Variants in ZFPM2 observed in about 807,000 individuals in gnomAD.
ZFPM2 encodes zinc finger protein ZFPM2.
In ZFPM2, 20 loss-of-function variants were observed where a neutral mutation model predicts 98.6. That is an observed-to-expected ratio of 0.20 (90% CI 0.14 to 0.29). The LOEUF (loss-of-function observed/expected upper bound fraction) is 0.29. ZFPM2 is among the 10% of genes least tolerant of loss of function. The pLI, the probability that ZFPM2 is intolerant of heterozygous loss-of-function variation, is 1.00. For missense variants in ZFPM2, 1,310 were observed against 1,388.6 expected (o/e 0.94, Z 0.90); for synonymous variants, 518 against 502.7 (o/e 1.03, Z -0.41).
chr8:105,549,845 C>T (rs569627252), intron 3 of ZFPM2, among the ~76,000 whole-genome samples: 1 of 151,992 alleles, frequency 6.6e-6, no homozygotes, highest in East Asian at 1.9e-4. Context: ...AACTCCTGGG[C>T]TCACACAATT....
At chr8:105,601,100 G>A (rs1816082210) in intron 4 of ZFPM2, among the ~76,000 whole-genome samples, 1 of 152,090 alleles carries the variant, frequency 6.6e-6, no homozygotes, top group African/African-American at 2.4e-5. Context: ...CCTGGGTTAT[G>A]CTCCTGAACT....
chr8:105,728,373 C>G (rs1167669557), intron 5 of ZFPM2, among the ~76,000 whole-genome samples: 1 of 151,702 alleles, frequency 6.6e-6, no homozygotes, highest in Non-Finnish European at 1.5e-5. Context: ...ATGTACTTGT[C>G]GAAAGTTAGC....
intron 3 of ZFPM2, among the ~76,000 whole-genome samples, chr8:105,517,502 A>G (rs967197036): frequency 6.6e-5 from 10 of 152,122 alleles, no homozygotes; most frequent in African/African-American, 2.4e-4. Context: ...GCTAATTAAT[A>G]TATCTATCAC....
At chr8:105,458,972 A>T (rs1162080044) in intron 3 of ZFPM2, among the ~76,000 whole-genome samples, 1 of 152,190 alleles carries the variant, frequency 6.6e-6, no homozygotes, top group Non-Finnish European at 1.5e-5. Context: ...AAGGAAAAAA[A>T]CTTTAAAGAC....
chr8:105,654,702 A>G (rs1817249752), intron 5 of ZFPM2, among the ~76,000 whole-genome samples: 1 of 152,130 alleles, frequency 6.6e-6, no homozygotes, highest in Non-Finnish European at 1.5e-5. Context: ...CATTCTATTC[A>G]AGCAGCTCCA....
At chr8:105,687,067 C>T (rs774933385) in intron 5 of ZFPM2, among the ~76,000 whole-genome samples, 4 of 152,126 alleles carry the variant, frequency 2.6e-5, no homozygotes, top group Non-Finnish European at 4.4e-5. Context: ...GTGAGAGTTA[C>T]TAACTGCAGG....
intron 3 of ZFPM2, among the ~76,000 whole-genome samples, chr8:105,444,802 A>C (rs2130219860): frequency 6.6e-6 from 1 of 152,304 alleles, no homozygotes; most frequent in South Asian, 2.1e-4. Context: ...AGTTTAGAAA[A>C]TATCAAAAGA....
At chr8:105,709,659 T>C (rs1290664908) in intron 5 of ZFPM2, among the ~76,000 whole-genome samples, 1 of 152,274 alleles carries the variant, frequency 6.6e-6, no homozygotes, top group East Asian at 1.9e-4. Flanking sequence ...AGGTCAGTGA[T>C]ATTATCTTTG....
chr8:105,497,025 G>A (rs1018511585), intron 3 of ZFPM2, among the ~76,000 whole-genome samples: 30 of 142,670 alleles, frequency 2.1e-4, no homozygotes, highest in Admixed American at 2.0e-3. Context: ...TCGCTCTGTC[G>A]CCCAGGCTGG....
At chr8:105,542,702 A>T (rs1814605508) in intron 3 of ZFPM2, among the ~76,000 whole-genome samples, 2 of 152,184 alleles carry the variant, frequency 1.3e-5, no homozygotes, top group African/African-American at 4.8e-5. Flanking sequence ...CCCCATGGAC[A>T]CAAAGGGATA....
chr8:105,486,599 C>A (rs1813234819), intron 3 of ZFPM2, among the ~76,000 whole-genome samples: 1 of 152,090 alleles, frequency 6.6e-6, no homozygotes, highest in Non-Finnish European at 1.5e-5. Flanking sequence ...CTATCAACAC[C>A]AAACTGTGCG....
chr8:105,706,239 G>A (rs1811257521), intron 5 of ZFPM2, among the ~76,000 whole-genome samples: 1 of 152,016 alleles, frequency 6.6e-6, no homozygotes. Context: ...AACATACATA[G>A]GATTTGTGAA....
intron 4 of ZFPM2, among the ~76,000 whole-genome samples, chr8:105,561,755 A>T (rs1288287290): frequency 1.3e-5 from 2 of 152,194 alleles, no homozygotes; most frequent in African/African-American, 4.8e-5. Flanking sequence ...AGCCAGACCA[A>T]GACTGTTCAC....
At position 105,802,315 on chromosome 8, in the gene ZFPM2, T is replaced by C; in HGVS notation, c.2233T>C (p.Cys745Arg). 1 of 1,613,816 alleles carries C rather than the reference T, an allele frequency of 6.2e-7. No homozygotes were observed. The highest frequency in any genetic ancestry group is 8.5e-7 in the Non-Finnish European group (1 of 1,179,828). ...CAAGCGCAGAAAGATGTATGAGATG[T>C]GCCTACCTGAGCAGGAACAAAGGCC... is the stretch of plus-strand genomic sequence containing the variant. ...TRKRRKMYEMCLPEQEQRPPL... is the reference protein window; with the variant it reads ...TRKRRKMYEMRLPEQEQRPPL... The change falls in exon 8 of 8, where the codon TGC (cysteine) becomes CGC (arginine). Residue 745 changes from cysteine (C) to arginine (R), a missense_variant. Cys to Arg is a radical substitution (Grantham distance 180). Transcript: ENST00000407775.
chr8:105,469,593 C>G (rs1257694538), intron 3 of ZFPM2, among the ~76,000 whole-genome samples: 2 of 152,210 alleles, frequency 1.3e-5, no homozygotes, highest in Non-Finnish European at 2.9e-5. Context: ...CACCTTCTAG[C>G]TCTGAGACTT....
chr8:105,612,799 G>A (rs1248821623), intron 4 of ZFPM2, among the ~76,000 whole-genome samples: 1 of 152,110 alleles, frequency 6.6e-6, no homozygotes, highest in Non-Finnish European at 1.5e-5. Context: ...TAACATTTCA[G>A]CATGTGAACC....
rs567438700 is a variant in ZFPM2 at position 105,425,328 on chromosome 8, A to G, written c.199+6026A>G. ...GGTTAAGCAGGAAACTGAAACAGGTAAAATGGGGAAGCTGTCAGGGGATAC... is the reference window on the plus strand; with the variant it reads ...GGTTAAGCAGGAAACTGAAACAGGTGAAATGGGGAAGCTGTCAGGGGATAC... On this transcript the variant is annotated intron_variant, in intron 2 of 7. Coordinates refer to ENST00000407775, the MANE Select transcript of ZFPM2 (RefSeq NM_012082.4). Among the ~76,000 whole-genome samples, 71 of 152,214 alleles carry G rather than the reference A, an allele frequency of 4.7e-4. 1 individual carries two copies. Among genetic ancestry groups the G allele is most frequent in the Non-Finnish European group, 8.4e-4 (57 of 68,028 alleles).
chr8:105,645,089 T>C (rs1817017863), intron 5 of ZFPM2, among the ~76,000 whole-genome samples: 1 of 152,178 alleles, frequency 6.6e-6, no homozygotes, highest in African/African-American at 2.4e-5. Flanking sequence ...TTTTAAACAG[T>C]GCATGGCACA....
In ZFPM2 at chr8:105,788,847, C is replaced by T. The variant is rs774715438; in HGVS notation, c.662C>T (p.Ala221Val). 1.9e-6 allele frequency: 3 copies of T among 1,613,812 alleles called. No homozygotes were observed. Among genetic ancestry groups the T allele is most frequent in the Non-Finnish European group, 2.5e-6 (3 of 1,179,862 alleles). ...QMTLTEGMYP[A>V]RLLDSIQLLP... ...ACTCTCACAGAAGGGATGTACCCTG[C>T]ACGCCTGCTGGACTCAATTCAGCTG... The change falls in exon 6 of 8, where the codon GCA becomes GTA. Residue 221 changes from alanine to valine, a missense_variant. By Grantham distance (64) the Ala-to-Val change is moderately conservative. Transcript: ENST00000407775.
Sources: gnomAD v4.1 joint callset for allele counts (sites outside exome capture counted in the v4.1 genomes callset) on GRCh38, gnomAD v4.1.1 for gene constraint, MANE v1.5 for transcripts, NCBI Gene and HGNC (gene_info 2026-07-23, HGNC 2026-07-21) for gene names.